Variants in CRISP3 observed in about 807,000 individuals in gnomAD.
CRISP3 encodes cysteine-rich secretory protein 3.
In CRISP3, 33 loss-of-function variants were observed where a neutral mutation model predicts 36.1. That is an observed-to-expected ratio of 0.91 (90% CI 0.69 to 1.22). The LOEUF (loss-of-function observed/expected upper bound fraction) is 1.22, where lower values mean the gene tolerates loss of function less well. Among genes scored for constraint, CRISP3 ranks in the 50% most tolerant of loss-of-function variants. The pLI is 0.00. For missense variants in CRISP3, 330 were observed against 301.2 expected, an observed-to-expected ratio of 1.10 and a Z score of -0.71; for synonymous variants, 117 against 104.6, an observed-to-expected ratio of 1.12 and a Z score of -0.72.
At chr6:49,733,331 GA>G in intron 5 of CRISP3, 39 bp from the exon 6 acceptor site, 2 of 1,330,322 alleles carry the variant, frequency 1.5e-6, no homozygotes, top group South Asian at 1.3e-5. Flanking sequence ...GCACATTAGA[GA>G]AGAAGGAAAT....
chr6:49,735,644 A>G, intron 3 of CRISP3, 53 bp from the exon 4 acceptor site: 1 of 1,365,072 alleles, frequency 7.3e-7, no homozygotes, highest in Non-Finnish European at 1.0e-6. Flanking sequence ...ACCTCAAAGG[A>G]GCATAAGCTT....
chr6:49,742,631 C>CAAAAA (rs33995764), intron 1 of CRISP3, among the ~76,000 whole-genome samples: 4 of 71,236 alleles, frequency 5.6e-5, no homozygotes, highest in Non-Finnish European at 8.3e-5. Context: ...GACTCCATCT[C>CAAAAA]AAAAAAAAAA....
At chr6:49,730,085 AT>A (rs1768876497) in intron 7 of CRISP3, among the ~76,000 whole-genome samples, 1 of 152,120 alleles carries the variant, frequency 6.6e-6, no homozygotes, top group Admixed American at 6.6e-5. Flanking sequence ...CAGAAAAAAA[AT>A]GTTACAATTC....
chr6:49,738,386 G>A (rs755540606), intron 1 of CRISP3, among the ~76,000 whole-genome samples: 1 of 152,244 alleles, frequency 6.6e-6, no homozygotes, highest in Middle Eastern at 3.4e-3. Flanking sequence ...ATACATTTAT[G>A]GTTGTTTTGT....
At chr6:49,736,360 C>G in intron 3 of CRISP3, 31 bp downstream of exon 3, 2 of 1,429,096 alleles carry the variant, frequency 1.4e-6, no homozygotes, top group Non-Finnish European at 2.0e-6. Context: ...AGCTTGTTCA[C>G]ACCCCTCTCC....
At chr6:49,737,568 G>A (rs1769090172) in intron 1 of CRISP3, 170 bp from the exon 2 acceptor site, 2 of 708,924 alleles carry the variant, frequency 2.8e-6, no homozygotes, top group East Asian at 5.4e-5. Flanking sequence ...AGTGGATTCA[G>A]CTTTCAAAGT....
In CRISP3 at chr6:49,730,909, G is replaced by A. The variant is rs144343793; in HGVS notation, c.649+254C>T. ...GTACAAAAATTAATCAGGTGTGGTG[G>A]CACGTGCCTGTAGTCCCAGCTACTC... On this transcript the variant is annotated intron_variant, in intron 7 of 7. Coordinates refer to ENST00000263045, the MANE Select transcript of CRISP3 (RefSeq NM_006061.4). 6.2e-3 allele frequency among the ~76,000 whole-genome samples: 946 copies of A among 152,268 alleles called. 12 individuals carry two copies. The highest frequency in any genetic ancestry group is 0.022 in the African/African-American group (896 of 41,546).
At chr6:49,736,365 C>G (rs1769051240) in intron 3 of CRISP3, 26 bp downstream of exon 3, 4 of 1,477,584 alleles carry the variant, frequency 2.7e-6, no homozygotes, top group Admixed American at 3.4e-5. Flanking sequence ...GTTCACACCC[C>G]TCTCCTTTGC....
intron 5 of CRISP3, among the ~76,000 whole-genome samples, 189 bp from the exon 6 acceptor site, chr6:49,733,481 A>T (rs943690502): frequency 6.6e-6 from 1 of 152,126 alleles, no homozygotes; most frequent in Non-Finnish European, 1.5e-5. Flanking sequence ...TTCCATGTAC[A>T]TTCCTTTTTG....
In CRISP3 at chr6:49,733,650, CT is replaced by C. The variant is rs550597593; in HGVS notation, c.462+52del. 1.2e-3 allele frequency: 1,706 copies of C among 1,468,348 alleles called. 3 individuals carry two copies. The highest frequency in any genetic ancestry group is 0.01 in the African/African-American group (732 of 70,026). The allele number at this position is 1,468,348 out of a possible 1,614,324, so 91.0% of individuals were successfully genotyped here. A position where few individuals can be genotyped will look rare whatever the true frequency, so the allele number is the denominator to read the frequency against. Reference sequence around the variant, plus strand: ...GGAATCAGTCAAAATTTGAAGAATCCTTTTTTTTTAGGGCACTTATAAAGGA... The same window carrying C: ...GGAATCAGTCAAAATTTGAAGAATCCTTTTTTTTAGGGCACTTATAAAGGA... On this transcript the variant is annotated intron_variant, in intron 5 of 7. Coordinates refer to ENST00000263045, the MANE Select transcript of CRISP3 (RefSeq NM_006061.4).
intron 3 of CRISP3, among the ~76,000 whole-genome samples, chr6:49,736,169 T>C (rs1325671802): frequency 1.3e-5 from 2 of 152,184 alleles, no homozygotes; most frequent in Admixed American, 1.3e-4. Context: ...TAGGTTTTAA[T>C]TCTGCCTCCA....
At position 49,733,272 on chromosome 6, in the gene CRISP3, G is replaced by T. The variant is rs752156202; in HGVS notation, c.483C>A (p.Tyr161Ter). 4 of 1,609,764 alleles carry T rather than the reference G, an allele frequency of 2.5e-6. No individual in the cohort carries two copies. The African/African-American group carries it at 4.0e-5, about 16-fold the overall frequency. ...AGTAGGCATTTCCACATCCAACGAG[G>T]TATGAAGAGTACCAAACAACCTATA... Reference protein sequence around the residue: ...HYTQVVWYSSYLVGCGNAYCP... With the variant: ...HYTQVVWYSS The change falls in exon 6 of 8, where the codon TAC becomes TAA. Residue 161 changes from tyrosine to a stop codon, truncating the protein, a stop_gained. Coordinates refer to ENST00000263045, the MANE Select transcript of CRISP3 (RefSeq NM_006061.4). LOFTEE classifies it high-confidence loss of function.
At chr6:49,739,752 G>A (rs933743711) in intron 1 of CRISP3, among the ~76,000 whole-genome samples, 1 of 149,556 alleles carries the variant, frequency 6.7e-6, no homozygotes, top group Admixed American at 6.6e-5. Flanking sequence ...CACATAGAAG[G>A]TACTAGAAAG....
intron 1 of CRISP3, among the ~76,000 whole-genome samples, chr6:49,741,821 GTATA>G (rs1323292880): frequency 6.9e-6 from 1 of 144,932 alleles, no homozygotes; most frequent in African/African-American, 2.5e-5. Context: ...AGAAAAGAAA[GTATA>G]TACATATATA....
Position 49,733,757 on chromosome 6 carries a change from A to T in CRISP3, c.408T>A (p.Phe136Leu). ...GAGTCTTTGGCCCTACACCAAAGTC[A>T]AAATCATTGTACTCATCAAACCAGC... The part of the protein sequence containing the change: ...IQSWFDEYND[F>L]DFGVGPKTPN... The change falls in exon 5 of 8, where the codon TTT becomes TTA. Residue 136 changes from phenylalanine (F) to leucine (L), a missense_variant. Transcript: ENST00000263045. 1.2e-6 allele frequency: 2 copies of T among 1,613,794 alleles called. No individual in the cohort carries two copies. Among genetic ancestry groups the T allele is most frequent in the Non-Finnish European group, 1.7e-6 (2 of 1,179,740 alleles).
At chr6:49,738,156 A>G (rs1407390690) in intron 1 of CRISP3, among the ~76,000 whole-genome samples, 1 of 152,196 alleles carries the variant, frequency 6.6e-6, no homozygotes, top group Non-Finnish European at 1.5e-5. Flanking sequence ...TAATATCCTT[A>G]ATATGTTCAC....
At chr6:49,741,629 T>C (rs964722452) in intron 1 of CRISP3, among the ~76,000 whole-genome samples, 2 of 147,972 alleles carry the variant, frequency 1.4e-5, no homozygotes, top group East Asian at 3.9e-4. Context: ...TTTTTTTTTT[T>C]TTTTTAAAGA....
chr6:49,736,334 C>G, intron 3 of CRISP3, 57 bp downstream of exon 3: 1 of 1,106,896 alleles, frequency 9.0e-7, no homozygotes, highest in Non-Finnish European at 1.4e-6. Context: ...AGTTGCCAGC[C>G]GCCTACTCCT....
chr6:49,737,591 G>C (rs1222740714), intron 1 of CRISP3, 193 bp from the exon 2 acceptor site: 1 of 640,466 alleles, frequency 1.6e-6, no homozygotes, highest in Admixed American at 2.8e-5. Flanking sequence ...GCATTCAACT[G>C]GGACTATAAA....
Sources: gnomAD v4.1 joint callset for allele counts (sites outside exome capture counted in the v4.1 genomes callset) on GRCh38, gnomAD v4.1.1 for gene constraint, MANE v1.5 for transcripts, NCBI Gene and HGNC (gene_info 2026-07-23, HGNC 2026-07-21) for gene names.